The following SOBP variants were observed in gnomAD, a reference collection of about 807,000 sequenced individuals.
The protein encoded by SOBP is sine oculis-binding protein homolog.
In SOBP, 4 loss-of-function variants were observed where a neutral mutation model predicts 53.6. The ratio of observed to expected loss-of-function variants is 0.07; its 90% CI spans 0.04 to 0.17. SOBP has a LOEUF of 0.17. Ranked by LOEUF, SOBP falls within the 10% of genes least tolerant of loss-of-function variation. The pLI, the probability that SOBP is intolerant of heterozygous loss-of-function variation, is 1.00. For missense variants in SOBP, 1,088 were observed against 1,204.7 expected (o/e 0.90, Z 1.43); for synonymous variants, 584 against 522.6 (o/e 1.12, Z -1.60).
At chr6:107,494,661 A>G (rs968017349) in intron 1 of SOBP, among the ~76,000 whole-genome samples, 3 of 152,208 alleles carry the variant, frequency 2.0e-5, no homozygotes, top group Non-Finnish European at 4.4e-5. Flanking sequence ...TTCTTTATCA[A>G]TTGCTAAACT....
At chr6:107,579,672 A>T (rs1785344050) in intron 4 of SOBP, among the ~76,000 whole-genome samples, 1 of 152,164 alleles carries the variant, frequency 6.6e-6, no homozygotes, top group Non-Finnish European at 1.5e-5. Context: ...TGCGGCTCTG[A>T]GGGGCCCTGA....
chr6:107,596,789 A>G lies in SOBP; in HGVS notation c.669+9614A>G, dbSNP rs186504015. 5.6e-3 allele frequency among the ~76,000 whole-genome samples: 849 copies of G among 152,262 alleles called. 18 individuals are homozygous for G. Among genetic ancestry groups the G allele is most frequent in the Non-Finnish European group, 5.4e-3 (365 of 68,020 alleles). Reference sequence around the variant, plus strand: ...AAAACAAGCTATAGATTTCATTAGGATAAAGTATGTTTCTATAGATTAGGA... The same window carrying G: ...AAAACAAGCTATAGATTTCATTAGGGTAAAGTATGTTTCTATAGATTAGGA... On this transcript the variant is annotated intron_variant, in intron 5 of 6. Transcript: ENST00000317357.
chr6:107,573,655 A>G (rs549855769), intron 4 of SOBP, among the ~76,000 whole-genome samples: 2 of 152,368 alleles, frequency 1.3e-5, no homozygotes, highest in South Asian at 4.1e-4. Flanking sequence ...AAGTGGGCAC[A>G]TGGGGTGCTC....
intron 3 of SOBP, among the ~76,000 whole-genome samples, chr6:107,516,182 C>T (rs1783314837): frequency 6.6e-6 from 1 of 152,048 alleles, no homozygotes; most frequent in Admixed American, 6.5e-5. Context: ...TCATTATGGG[C>T]CAGGCACAAT....
intron 4 of SOBP, among the ~76,000 whole-genome samples, chr6:107,545,015 T>A (rs959387621): frequency 2.6e-5 from 4 of 152,190 alleles, no homozygotes; most frequent in Non-Finnish European, 5.9e-5. Flanking sequence ...ATAATCACAA[T>A]GATAACTGTA....
At chr6:107,601,387 C>T (rs1185684220) in intron 5 of SOBP, among the ~76,000 whole-genome samples, 3 of 152,132 alleles carry the variant, frequency 2.0e-5, no homozygotes, top group African/African-American at 2.4e-5. Flanking sequence ...CTCTCAACTC[C>T]GCATATTCAT....
chr6:107,614,446 A>G (rs1786707719), intron 5 of SOBP, among the ~76,000 whole-genome samples: 1 of 152,112 alleles, frequency 6.6e-6, no homozygotes, highest in Admixed American at 6.5e-5. Context: ...GGAGCACATG[A>G]CACTGTTGCC....
chr6:107,643,967 T>C (rs1045971854), intron 6 of SOBP, among the ~76,000 whole-genome samples: 10 of 152,170 alleles, frequency 6.6e-5, no homozygotes, highest in Admixed American at 6.5e-4. Flanking sequence ...ACAAAGAAAT[T>C]CCCCAGCACT....
intron 5 of SOBP, among the ~76,000 whole-genome samples, chr6:107,632,408 T>C (rs532869140): frequency 6.6e-6 from 1 of 152,276 alleles, no homozygotes; most frequent in African/African-American, 2.4e-5. Context: ...AAAGAACTAT[T>C]GAAAATTTTG....
intron 4 of SOBP, among the ~76,000 whole-genome samples, chr6:107,547,645 A>G (rs1784338444): frequency 6.6e-6 from 1 of 152,232 alleles, no homozygotes; most frequent in Non-Finnish European, 1.5e-5. Flanking sequence ...TGTAATCAAA[A>G]TGTACTCAGC....
Position 107,634,671 on chromosome 6 carries a change from G to T in SOBP, c.1827G>T (p.Ala609=), listed in dbSNP as rs755074268. Reference sequence around the variant, plus strand: ...GCTCGGGCCAGGCCCTGAGCCTGGCGCCCACGCCCGCCGAGCATGGCCGGA... The same window carrying T: ...GCTCGGGCCAGGCCCTGAGCCTGGCTCCCACGCCCGCCGAGCATGGCCGGA... ...PGCSGQALSL[A]PTPAEHGRSE... The change falls in exon 6 of 7, where the codon GCG becomes GCT. Residue 609 remains alanine, a synonymous_variant. Transcript: ENST00000317357. This position sits in a 1 kb window ranked among gnomAD's most constrained non-coding sequence, Gnocchi z 4.5. 5 of 1,534,672 alleles carry T rather than the reference G, an allele frequency of 3.3e-6. No homozygotes were observed. The highest frequency in any genetic ancestry group is 4.4e-6 in the Non-Finnish European group (5 of 1,146,596).
At position 107,634,082 on chromosome 6, in the gene SOBP, G is replaced by A; in HGVS notation, c.1238G>A (p.Arg413His). The change falls in exon 6 of 7, where the codon CGC becomes CAC. Residue 413 changes from arginine to histidine, a missense_variant. Physicochemically the swap from Arg to His is conservative, Grantham distance 29. Around this residue, in one of 6 missense-constraint regions of SOBP, gnomAD observed 211 missense variants for 258.9 expected, o/e 0.82. Transcript: ENST00000317357. This position sits in a 1 kb window ranked among gnomAD's most constrained non-coding sequence, Gnocchi z 4.5. ...CAGCAGATCCGCCCGCCCTTCATCC[G>A]CGGGCCTCCGCACCATGCCTCCAAC... Reference protein sequence around the residue: ...IMQQIRPPFIRGPPHHASNPN... With the variant: ...IMQQIRPPFIHGPPHHASNPN... 6.3e-7 allele frequency: 1 copy of A among 1,598,980 alleles called. No homozygotes were observed. Among genetic ancestry groups the A allele is most frequent in the Non-Finnish European group, 8.5e-7 (1 of 1,171,842 alleles).
chr6:107,544,023 A>G (rs1784225912), intron 4 of SOBP, among the ~76,000 whole-genome samples: 1 of 152,210 alleles, frequency 6.6e-6, no homozygotes, highest in Admixed American at 6.5e-5. Flanking sequence ...ATAGCTCAGA[A>G]TATAGTTTCC....
At position 107,609,676 on chromosome 6, in the gene SOBP, G is replaced by A. The variant is rs372369647; in HGVS notation, c.669+22501G>A. Among the ~76,000 whole-genome samples the A allele has an allele frequency of 1.6e-4, 25 of 152,216 alleles. No homozygotes were observed. In the East Asian group the frequency reaches 3.7e-3, roughly 22 times the overall value. On this transcript the variant is annotated intron_variant, in intron 5 of 6. Transcript: ENST00000317357. ...GTGGTGTTGGCAGCCCTGGTGAGGG[G>A]GTAATCTTGTTGCCTAGCTCCGTTA... is the stretch of plus-strand genomic sequence containing the variant.
chr6:107,609,667 T>G (rs1256680783), intron 5 of SOBP, among the ~76,000 whole-genome samples: 3 of 152,130 alleles, frequency 2.0e-5, no homozygotes, highest in Non-Finnish European at 4.4e-5. Context: ...TTGGCAGCCC[T>G]GGTGAGGGGG....
chr6:107,550,095 C>G (rs1055854020), intron 4 of SOBP, among the ~76,000 whole-genome samples: 2 of 151,830 alleles, frequency 1.3e-5, no homozygotes, highest in Admixed American at 1.3e-4. Context: ...TGAAATAATC[C>G]TTTCTGTCAC....
At chr6:107,646,520 A>C (rs774936369) in intron 6 of SOBP, among the ~76,000 whole-genome samples, 40 of 152,302 alleles carry the variant, frequency 2.6e-4, no homozygotes, top group Non-Finnish European at 4.9e-4. Context: ...GGACTTCACG[A>C]ATGTGGAATG....
chr6:107,547,148 A>G (rs748293111), intron 4 of SOBP, among the ~76,000 whole-genome samples: 12 of 152,222 alleles, frequency 7.9e-5, no homozygotes, highest in Non-Finnish European at 1.3e-4. Context: ...AAACCCTTAC[A>G]AATATATACA....
chr6:107,509,300 A>G (rs1247883487), intron 3 of SOBP, among the ~76,000 whole-genome samples: 2 of 151,532 alleles, frequency 1.3e-5, no homozygotes, highest in African/African-American at 4.8e-5. Flanking sequence ...AGGCTGAGGC[A>G]GGAGAATCGC....
Sources: allele counts gnomAD v4.1 joint callset (sites outside exome capture counted in the v4.1 genomes callset), GRCh38; gene constraint gnomAD v4.1.1; regional missense constraint gnomAD v4.1.1; non-coding constraint Gnocchi (gnomAD v3.1); transcripts MANE v1.5; gene names NCBI Gene and HGNC (gene_info 2026-07-23, HGNC 2026-07-21).